Variants in NIN observed in about 807,000 individuals in gnomAD.
The protein encoded by NIN is glycogen synthase kinase 3 beta-interacting protein.
Under a neutral mutation model 257.6 loss-of-function variants are expected in NIN, and 137 were observed. The observed-to-expected ratio is 0.53, with a 90% CI of 0.46 to 0.61. NIN has a LOEUF of 0.61. NIN is among the 20% of genes least tolerant of loss of function. The pLI is 0.00. For missense variants in NIN, 2,439 were observed against 2,501.2 expected (o/e 0.98, Z 0.53); for synonymous variants, 918 against 919.8 (o/e 1.00, Z 0.04).
At position 50,792,815 on chromosome 14, in the gene NIN, G is replaced by A; in HGVS notation, c.332C>T (p.Pro111Leu). ...CTCCTCCACGGACTCTTGGAACTCG[G>A]GCAAGGACCTTCGTCCGTAACGCTT... ...GGKRYGRRSL[P>L]EFQESVEEFP... The change falls in exon 5 of 31, where the codon CCC (proline) becomes CTC (leucine). Residue 111 changes from proline to leucine, a missense_variant. Pro to Leu is a moderately conservative substitution (Grantham distance 98). Coordinates refer to ENST00000530997, the MANE Select transcript of NIN (RefSeq NM_020921.4). 1.2e-6 allele frequency: 2 copies of A among 1,614,208 alleles called. No homozygotes were observed. The highest frequency in any genetic ancestry group is 1.7e-6 in the Non-Finnish European group (2 of 1,180,044).
intron 3 of NIN, among the ~76,000 whole-genome samples, chr14:50,815,033 T>A (rs972882017): frequency 6.6e-6 from 1 of 152,128 alleles, no homozygotes; most frequent in African/African-American, 2.4e-5. Context: ...AAGCAAAAAT[T>A]GACAAATGAG....
chr14:50,772,220 A>G, intron 9 of NIN, 81 bp downstream of exon 9: 1 of 1,268,570 alleles, frequency 7.9e-7, no homozygotes, highest in Non-Finnish European at 1.1e-6. Flanking sequence ...AAGAAAATCA[A>G]ATCACAGTTT....
chr14:50,814,357 T>G (rs1205378284), intron 3 of NIN, among the ~76,000 whole-genome samples: 2 of 152,190 alleles, frequency 1.3e-5, no homozygotes, highest in Non-Finnish European at 2.9e-5. Context: ...AAAGAGCCAT[T>G]CTGGGTGTGT....
chr14:50,778,930 G>C lies in NIN; in HGVS notation c.436-126C>G, dbSNP rs540024070. The C allele has an allele frequency of 6.2e-6, 6 of 973,370 alleles. No homozygotes were observed. In the East Asian group the frequency reaches 1.2e-4, roughly 20 times the overall value. The allele number at this position is 973,370 out of a possible 1,614,324, so 60.3% of individuals were successfully genotyped here. A position where few individuals can be genotyped will look rare whatever the true frequency, so the allele number is the denominator to read the frequency against. On this transcript the variant is annotated intron_variant, in intron 5 of 30. Coordinates refer to ENST00000530997, the MANE Select transcript of NIN (RefSeq NM_020921.4). ...ATCTAAGTGAGTCACATAATTTCAG[G>C]ACTCTCTAGTGTATCCATCTAGATG...
intron 2 of NIN, among the ~76,000 whole-genome samples, chr14:50,830,141 G>A (rs1303516891): frequency 1.3e-5 from 2 of 152,174 alleles, no homozygotes; most frequent in Non-Finnish European, 2.9e-5. Flanking sequence ...TCAATCACAA[G>A]GCTGTACGGG....
chr14:50,766,788 C>T lies in NIN; in HGVS notation c.1537G>A (p.Ala513Thr). The T allele has an allele frequency of 6.2e-7, 1 of 1,608,606 alleles. No individual in the cohort carries two copies. The highest frequency in any genetic ancestry group is 8.5e-7 in the Non-Finnish European group (1 of 1,175,082). ...GATTTGAACAGGTTTACCTTTTCTG[C>T]TAACACATTTTCCAAATTTCTCTGA... ...KLQRNLENVL[A>T]EKFGDLDPSS... Residue 513 changes from alanine (A) to threonine (T), a missense_variant, in exon 13 of 31, where the codon GCA becomes ACA. Transcript: ENST00000530997.
At chr14:50,778,891 G>A in intron 5 of NIN, 87 bp from the exon 6 acceptor site, 2 of 1,365,550 alleles carry the variant, frequency 1.5e-6, no homozygotes, top group Non-Finnish European at 2.1e-6. Context: ...TCACTCTCTG[G>A]CTCTGAAATC....
intron 3 of NIN, among the ~76,000 whole-genome samples, chr14:50,815,912 G>A (rs1352380402): frequency 1.3e-5 from 2 of 152,164 alleles, no homozygotes; most frequent in Non-Finnish European, 2.9e-5. Flanking sequence ...GGGAGGCTGA[G>A]GCAGAATTGC....
chr14:50,818,575 T>G (rs935442979), intron 3 of NIN, among the ~76,000 whole-genome samples: 2 of 152,172 alleles, frequency 1.3e-5, no homozygotes, highest in Non-Finnish European at 2.9e-5. Context: ...TTCGGTGTCT[T>G]GAGAAGCCCC....
intron 28 of NIN, among the ~76,000 whole-genome samples, chr14:50,731,547 A>T (rs2040701397): frequency 6.6e-6 from 1 of 151,718 alleles, no homozygotes; most frequent in Admixed American, 6.6e-5. Flanking sequence ...AAAAAAAAAA[A>T]AAATTAGGTC....
Position 50,786,585 on chromosome 14 carries a change from G to C in NIN, c.435+6127C>G, listed in dbSNP as rs759680217. On this transcript the variant is annotated intron_variant, in intron 5 of 30. Transcript: ENST00000530997. Reference sequence around the variant, plus strand: ...AATGTTTCATCTCTGGGAATAGCCGGATGATCTGATAAGACTTAAGACAAT... The same window carrying C: ...AATGTTTCATCTCTGGGAATAGCCGCATGATCTGATAAGACTTAAGACAAT... Among the ~76,000 whole-genome samples the C allele has an allele frequency of 5.3e-5, 8 of 152,026 alleles. No homozygotes were observed. In the South Asian group the frequency reaches 1.7e-3, roughly 32 times the overall value.
chr14:50,771,533 A>T, intron 9 of NIN, 65 bp from the exon 10 acceptor site: 3 of 1,562,140 alleles, frequency 1.9e-6, no homozygotes, highest in Non-Finnish European at 2.6e-6. Context: ...GAAAGCAGAA[A>T]ATGTGAAGGC....
chr14:50,806,073 A>G (rs2044312348), intron 4 of NIN: 1 of 152,252 alleles, frequency 6.6e-6, no homozygotes, highest in South Asian at 2.1e-4. Context: ...GTCATTTTAC[A>G]TTACAATTGG....
rs193020643 is a variant in NIN, at chr14:50,801,235, C to T, written c.265+5502G>A. On this transcript the variant is annotated intron_variant, in intron 4 of 30. Transcript: ENST00000530997. ...CCTCCCGAGTAGCTGGGATTACAGG[C>T]GCCTGCCACCACGCCCAGCTAATTT... Among the ~76,000 whole-genome samples the T allele has an allele frequency of 3.1e-3, 472 of 151,904 alleles. 1 individual carries two copies. Among genetic ancestry groups the T allele is most frequent in the African/African-American group, 9.2e-3 (382 of 41,400 alleles).
chr14:50,743,287 T>C lies in NIN; in HGVS notation c.5301+129A>G, dbSNP rs112005236. On this transcript the variant is annotated intron_variant, in intron 24 of 30. Coordinates refer to ENST00000530997, the MANE Select transcript of NIN (RefSeq NM_020921.4). ...CCACACTATAAACACACATCAAACATTGGTCAAATTGAATCATTTGGAACC... is the reference window on the plus strand; with the variant it reads ...CCACACTATAAACACACATCAAACACTGGTCAAATTGAATCATTTGGAACC... The C allele has an allele frequency of 4.2e-3, 2,731 of 644,028 alleles. 11 individuals carry two copies. Among genetic ancestry groups the C allele is most frequent in the Middle Eastern group, 8.7e-3 (30 of 3,450 alleles). The allele number at this position is 644,028 out of a possible 1,614,324, so 39.9% of individuals were successfully genotyped here.
chr14:50,791,076 T>A (rs574517604), intron 5 of NIN, among the ~76,000 whole-genome samples: 1 of 152,344 alleles, frequency 6.6e-6, no homozygotes, highest in East Asian at 1.9e-4. Context: ...TAAAAGTGTT[T>A]TCCAAATAAC....
intron 3 of NIN, among the ~76,000 whole-genome samples, chr14:50,809,433 CTCTT>C (rs1409699926): frequency 1.3e-5 from 2 of 152,106 alleles, no homozygotes; most frequent in East Asian, 3.9e-4. Flanking sequence ...TTTCCTCTCT[CTCTT>C]AAGGATATTA....
At position 50,756,412 on chromosome 14, in the gene NIN, C is replaced by T. The variant is rs141602381; in HGVS notation, c.4538+80G>A. 317 of 1,465,914 alleles carry T rather than the reference C, an allele frequency of 2.2e-4. No individual in the cohort carries two copies. The African/African-American group carries it at 4.2e-3, about 19-fold the overall frequency. 90.8% of individuals were successfully genotyped at this position (1,465,914 alleles called of 1,614,324 possible). On this transcript the variant is annotated intron_variant, in intron 18 of 30. Coordinates refer to ENST00000530997, the MANE Select transcript of NIN (RefSeq NM_020921.4). ...CGTGAAGACTACTAGGTTAGTTTCT[C>T]TAGGCACGGCAAGCAGTGGAAGTTA...
At position 50,766,899 on chromosome 14, in the gene NIN, G is replaced by A. The variant is rs1595817216; in HGVS notation, c.1435-9C>T. The A allele has an allele frequency of 1.3e-6, 2 of 1,583,806 alleles. No individual in the cohort carries two copies. The highest frequency in any genetic ancestry group is 2.2e-5 in the East Asian group (1 of 44,722). On this transcript the variant is annotated splice_polypyrimidine_tract_variant and intron_variant, in intron 12 of 30. Transcript: ENST00000530997. ...TCCAGACGACTGTTTTCCTGAACAA[G>A]TATGGGGAAATTAAATGTGGTACAG...
Sources: allele counts gnomAD v4.1 joint callset (sites outside exome capture counted in the v4.1 genomes callset), GRCh38; gene constraint gnomAD v4.1.1; transcripts MANE v1.5; gene names NCBI Gene and HGNC (gene_info 2026-07-23, HGNC 2026-07-21).